The following THOC1 variants were observed in gnomAD, a reference collection of about 807,000 sequenced individuals.
The protein encoded by THOC1 is THO complex 1.
In THOC1, 29 loss-of-function variants were observed where a neutral mutation model predicts 97.3. That is an observed-to-expected ratio of 0.30 (90% CI 0.22 to 0.41). The LOEUF (loss-of-function observed/expected upper bound fraction) is 0.41. Among genes scored for constraint, THOC1 ranks in the 10% least tolerant of loss-of-function variants. The pLI is 1.00. For missense variants in THOC1, 529 were observed against 761.9 expected (o/e 0.69, Z 3.60); for synonymous variants, 255 against 257.0 (o/e 0.99, Z 0.07).
Position 267,998 on chromosome 18 carries a change from A to G in THOC1, c.22T>C (p.Phe8Leu). 1.2e-6 allele frequency: 2 copies of G among 1,610,458 alleles called. No individual in the cohort carries two copies. Among genetic ancestry groups the G allele is most frequent in the Non-Finnish European group, 8.5e-7 (1 of 1,178,718 alleles). ...CGCGTCCGCGCTTCGGGCAAACTGAAGAGCGGCGGCGTCGGAGACATCTTC... is the reference window on the plus strand; with the variant it reads ...CGCGTCCGCGCTTCGGGCAAACTGAGGAGCGGCGGCGTCGGAGACATCTTC... MSPTPPL[F>L]SLPEARTRFT... is the part of the protein sequence containing the mutation. The change falls in exon 1 of 21, where the codon TTC becomes CTC. Residue 8 changes from phenylalanine (F) to leucine (L), a missense_variant. Phe to Leu is a conservative substitution (Grantham distance 22). Transcript: ENST00000261600.
At chr18:267,207 C>T (rs1329338781) in intron 1 of THOC1, among the ~76,000 whole-genome samples, 1 of 152,124 alleles carries the variant, frequency 6.6e-6, no homozygotes, top group Admixed American at 6.5e-5. Context: ...TTCATACTTA[C>T]GTTGCTGTGA....
rs371643145 is a variant in THOC1, at chr18:264,030, A to G, written c.252T>C (p.Thr84=). 478 of 1,609,984 alleles carry G rather than the reference A, an allele frequency of 3.0e-4. 1 individual carries two copies. The highest frequency in any genetic ancestry group is 3.6e-4 in the Non-Finnish European group (429 of 1,176,970). Residue 84 remains threonine (T), a synonymous_variant, in exon 4 of 21, where the codon ACT becomes ACC. Coordinates refer to ENST00000261600, the MANE Select transcript of THOC1 (RefSeq NM_005131.3). Reference sequence around the variant, plus strand: ...ACAAAACGGAACCATACTTACCTTCAGTTACTCCCCCAATAGCAAGAGAAA... The same window carrying G: ...ACAAAACGGAACCATACTTACCTTCGGTTACTCCCCCAATAGCAAGAGAAA... ...AIISLAIGGV[T]EGICTASTPF... is the part of the protein sequence containing the mutation.
rs1447489396 is a variant in THOC1, at chr18:267,947, C to T, written c.54+19G>A. 13 of 1,609,102 alleles carry T rather than the reference C, an allele frequency of 8.1e-6. No individual in the cohort carries two copies. In the East Asian group the frequency reaches 2.2e-4, roughly 28 times the overall value. On this transcript the variant is annotated intron_variant, in intron 1 of 20. Coordinates refer to ENST00000261600, the MANE Select transcript of THOC1 (RefSeq NM_005131.3). ...GCATAGCGCCGGGTCAGGCCTGCAC[C>T]CTCCCCTCTACAGCTCACCGTAAAC...
At position 224,114 on chromosome 18, in the gene THOC1, T is replaced by C; in HGVS notation, c.1274A>G (p.Lys425Arg). 6.2e-7 allele frequency: 1 copy of C among 1,611,070 alleles called. No homozygotes were observed. The highest frequency in any genetic ancestry group is 8.5e-7 in the Non-Finnish European group (1 of 1,178,544). The change falls in exon 16 of 21, where the codon AAA (lysine) becomes AGA (arginine). Residue 425 changes from lysine (K) to arginine (R), a missense_variant. This residue lies in a region of THOC1 where 123 missense variants were observed against 159.0 expected (regional missense o/e 0.77). Transcript: ENST00000261600. Reference sequence around the variant, plus strand: ...CATCAGAATTTTTTTGGTGGGTCCTTTCCCTAGGAAGTCCTCGGGTGCTGT... The same window carrying C: ...CATCAGAATTTTTTTGGTGGGTCCTCTCCCTAGGAAGTCCTCGGGTGCTGT... ...KRTAPEDFLG[K>R]GPTKKILMGN...
At chr18:215,597 C>T (rs1297199807) in intron 19 of THOC1, 93 bp from the exon 20 acceptor site, 3 of 1,003,416 alleles carry the variant, frequency 3.0e-6, no homozygotes, top group Non-Finnish European at 4.6e-6. Flanking sequence ...TGTGAGATTC[C>T]AAGTACAGGG....
intron 12 of THOC1, chr18:226,387 C>T (rs1254618395): frequency 1.3e-5 from 2 of 158,436 alleles, no homozygotes; most frequent in African/African-American, 4.8e-5. Flanking sequence ...TAAATGAACT[C>T]CTTTTTGCTT....
intron 7 of THOC1, among the ~76,000 whole-genome samples, chr18:255,429 T>C (rs542943856): frequency 6.6e-6 from 1 of 152,284 alleles, no homozygotes; most frequent in Admixed American, 6.5e-5. Context: ...ACAGAGAAAG[T>C]CTGAGTGGTC....
chr18:216,854 G>T (rs557841860), intron 18 of THOC1, among the ~76,000 whole-genome samples: 1 of 151,894 alleles, frequency 6.6e-6, no homozygotes, highest in South Asian at 2.1e-4. Context: ...AACAATGCCT[G>T]AAGAGGCAGG....
At chr18:263,326 G>A (rs1912663065) in intron 4 of THOC1, among the ~76,000 whole-genome samples, 1 of 151,960 alleles carries the variant, frequency 6.6e-6, no homozygotes, top group African/African-American at 2.4e-5. Flanking sequence ...TGATCCGCCC[G>A]TCTCAGCCTC....
chr18:218,029 G>T (rs1910953189), intron 18 of THOC1, among the ~76,000 whole-genome samples: 1 of 152,168 alleles, frequency 6.6e-6, no homozygotes, highest in Non-Finnish European at 1.5e-5. Context: ...ACTGGCTGAT[G>T]CATGGAGCAC....
At chr18:237,692 A>C (rs113843618) in intron 11 of THOC1, among the ~76,000 whole-genome samples, 70 of 152,290 alleles carry the variant, frequency 4.6e-4, no homozygotes, top group African/African-American at 1.6e-3. Context: ...TAATTTTCAC[A>C]AATGTGTTAG....
rs950112745 is a variant in THOC1 at position 259,913 on chromosome 18, CATG to C, written c.376-186_376-184del. ...AAAAATATTTTCAGATATAAGAAAA[CATG>C]ATACTAAGTAACTGTTTTAAACATG... is the stretch of plus-strand genomic sequence containing the variant. On this transcript the variant is annotated intron_variant, in intron 5 of 20. Transcript: ENST00000261600. The C allele has an allele frequency of 1.2e-4, 68 of 549,474 alleles. 1 individual carries two copies. The highest frequency in any genetic ancestry group is 1.2e-3 in the African/African-American group (62 of 50,320). The allele number at this position is 549,474 out of a possible 1,614,324, so 34.0% of individuals were successfully genotyped here. A position where few individuals can be genotyped will look rare whatever the true frequency, so the allele number is the denominator to read the frequency against.
intron 7 of THOC1, among the ~76,000 whole-genome samples, chr18:258,223 G>A (rs1004767868): frequency 4.6e-5 from 7 of 152,074 alleles, no homozygotes; most frequent in African/African-American, 1.7e-4. Context: ...ATGAAATCCT[G>A]TATCTAGTGC....
intron 7 of THOC1, among the ~76,000 whole-genome samples, chr18:255,552 G>C (rs500596): frequency 6.6e-6 from 1 of 152,062 alleles, no homozygotes; most frequent in Non-Finnish European, 1.5e-5. Context: ...GCAGAAGTTG[G>C]TTTACGAGGT....
chr18:257,448 GAGGTATC>G (rs1384289194), intron 7 of THOC1, among the ~76,000 whole-genome samples: 1 of 152,148 alleles, frequency 6.6e-6, no homozygotes, highest in Non-Finnish European at 1.5e-5. Flanking sequence ...ATTCAACTCA[GAGGTATC>G]AGTAGAATCT....
intron 11 of THOC1, among the ~76,000 whole-genome samples, chr18:235,875 T>C (rs1005704697): frequency 6.6e-6 from 1 of 152,196 alleles, no homozygotes; most frequent in African/African-American, 2.4e-5. Flanking sequence ...AAATCTTCCA[T>C]ATACTTAACT....
At chr18:216,344 G>T in intron 19 of THOC1, 142 bp downstream of exon 19, 1 of 872,226 alleles carries the variant, frequency 1.1e-6, no homozygotes, top group Non-Finnish European at 1.8e-6. Context: ...ATTCCAATGT[G>T]TTTTTCCCTC....
intron 11 of THOC1, among the ~76,000 whole-genome samples, chr18:234,048 C>T (rs1000884515): frequency 2.6e-5 from 4 of 152,140 alleles, no homozygotes; most frequent in Non-Finnish European, 5.9e-5. Context: ...ATGAAGATTA[C>T]GCCTAGGTAT....
At chr18:216,898 G>A (rs1270911026) in intron 18 of THOC1, among the ~76,000 whole-genome samples, 2 of 152,152 alleles carry the variant, frequency 1.3e-5, no homozygotes, top group South Asian at 2.1e-4. Context: ...CAAAGTTTCC[G>A]TTCATTTTGT....
Sources: gnomAD v4.1 joint callset for allele counts (sites outside exome capture counted in the v4.1 genomes callset) on GRCh38, gnomAD v4.1.1 for gene constraint, gnomAD v4.1.1 regional missense constraint, MANE v1.5 for transcripts, NCBI Gene and HGNC (gene_info 2026-07-23, HGNC 2026-07-21) for gene names.